ZHX2: variants seen among roughly 807,000 people sequenced by gnomAD.
ZHX2 encodes the protein zinc fingers and homeoboxes protein 2.
A neutral mutation model predicts 21.9 loss-of-function variants in ZHX2; 6 were observed. The observed-to-expected ratio is 0.27, with a 90% CI of 0.15 to 0.54. The LOEUF (loss-of-function observed/expected upper bound fraction) is 0.54, where lower values mean the gene tolerates loss of function less well. ZHX2 is among the 20% of genes least tolerant of loss of function. The pLI is 0.95. For synonymous variants in ZHX2, 434 were observed against 437.1 expected, an observed-to-expected ratio of 0.99 and a Z score of 0.09; for missense variants, 908 against 1,090.7, an observed-to-expected ratio of 0.83 and a Z score of 2.36.
At chr8:122,835,077 A>G (rs940300635) in intron 1 of ZHX2, among the ~76,000 whole-genome samples, 1 of 152,180 alleles carries the variant, frequency 6.6e-6, no homozygotes, top group African/African-American at 2.4e-5. Flanking sequence ...AGGATAACCT[A>G]GAGGTCATGC....
At chr8:122,921,294 G>A (rs1211486130) in intron 2 of ZHX2, among the ~76,000 whole-genome samples, 1 of 152,076 alleles carries the variant, frequency 6.6e-6, no homozygotes, top group Non-Finnish European at 1.5e-5. Flanking sequence ...ATGTTGGCCA[G>A]GCTGTTCTTG....
chr8:122,845,175 C>T (rs1818727168), intron 1 of ZHX2, among the ~76,000 whole-genome samples: 1 of 152,198 alleles, frequency 6.6e-6, no homozygotes, highest in South Asian at 2.1e-4. Flanking sequence ...TCAGCTTCCT[C>T]ATCTGGACAA....
chr8:122,791,648 T>C (rs781549460), intron 1 of ZHX2, among the ~76,000 whole-genome samples: 7 of 151,530 alleles, frequency 4.6e-5, no homozygotes, highest in Non-Finnish European at 8.8e-5. Flanking sequence ...GTAGATCACC[T>C]GAGGTCAAGA....
chr8:122,789,284 A>G (rs1047069124), intron 1 of ZHX2, among the ~76,000 whole-genome samples: 1 of 152,198 alleles, frequency 6.6e-6, no homozygotes, highest in African/African-American at 2.4e-5. Context: ...TAAATAGCAC[A>G]CAGAAAACTC....
At chr8:122,868,022 G>A (rs1476597151) in intron 2 of ZHX2, among the ~76,000 whole-genome samples, 3 of 152,134 alleles carry the variant, frequency 2.0e-5, no homozygotes, top group Non-Finnish European at 2.9e-5. Context: ...GGTCTTCTGG[G>A]TGGAATAGCT....
intron 1 of ZHX2, among the ~76,000 whole-genome samples, chr8:122,844,465 AT>A (rs1488741450): frequency 6.6e-6 from 1 of 152,246 alleles, no homozygotes; most frequent in Admixed American, 6.5e-5. Flanking sequence ...GATCATGGAT[AT>A]AAAAGTATCC....
chr8:122,943,840 G>T (rs1450628834), intron 2 of ZHX2, among the ~76,000 whole-genome samples: 1 of 152,102 alleles, frequency 6.6e-6, no homozygotes, highest in Non-Finnish European at 1.5e-5. Flanking sequence ...CTGTTTCCAG[G>T]ACCCTGCCCA....
chr8:122,949,352 G>A (rs575092862), intron 2 of ZHX2, among the ~76,000 whole-genome samples: 189 of 152,080 alleles, frequency 1.2e-3, no homozygotes, highest in African/African-American at 4.4e-3. Context: ...TGATAGACTG[G>A]GAAAAGTTTT....
intron 2 of ZHX2, among the ~76,000 whole-genome samples, chr8:122,905,932 A>G (rs1184716188): frequency 2.0e-5 from 3 of 152,226 alleles, no homozygotes; most frequent in African/African-American, 7.2e-5. Context: ...TCCCTTTTTT[A>G]TATCAAGCTA....
At chr8:122,790,701 G>A (rs1383523202) in intron 1 of ZHX2, among the ~76,000 whole-genome samples, 1 of 152,136 alleles carries the variant, frequency 6.6e-6, no homozygotes, top group African/African-American at 2.4e-5. Flanking sequence ...TCCGCCTCCT[G>A]GGTTCAAGCA....
At chr8:122,945,198 AG>A (rs1174461393) in intron 2 of ZHX2, among the ~76,000 whole-genome samples, 1 of 152,152 alleles carries the variant, frequency 6.6e-6, no homozygotes, top group Non-Finnish European at 1.5e-5. Flanking sequence ...GAACTCCTTG[AG>A]GACAGAGCTG....
At chr8:122,841,375 G>C (rs557788240) in intron 1 of ZHX2, among the ~76,000 whole-genome samples, 2 of 152,218 alleles carry the variant, frequency 1.3e-5, no homozygotes, top group Admixed American at 1.3e-4. Context: ...CACCTGAAAG[G>C]CCTTCTCTAA....
intron 1 of ZHX2, among the ~76,000 whole-genome samples, chr8:122,806,129 A>G (rs1817818489): frequency 6.6e-6 from 1 of 152,212 alleles, no homozygotes; most frequent in African/African-American, 2.4e-5. Flanking sequence ...ACTTACCTGC[A>G]AGCTTTCAGG....
At position 122,951,611 on chromosome 8, in the gene ZHX2, G is replaced by C. The variant is rs1279518055; in HGVS notation, c.101G>C (p.Gly34Ala). 2.5e-6 allele frequency: 4 copies of C among 1,613,860 alleles called. No individual in the cohort carries two copies. Among genetic ancestry groups the C allele is most frequent in the African/African-American group, 2.7e-5 (2 of 74,882 alleles). Residue 34 changes from glycine to alanine, a missense_variant, in exon 3 of 4, where the codon GGA (glycine) becomes GCA (alanine). By Grantham distance (60) the Gly-to-Ala change is moderately conservative. Around this residue, in one of 4 missense-constraint regions of ZHX2, gnomAD observed 25 missense variants for 48.9 expected, o/e 0.51. Transcript: ENST00000314393. ...PEEVDRAKEK[G>A]IGTPQPDVAK... ...GAAGTAGACAGGGCCAAAGAGAAAG[G>C]AATCGGCACACCACAGCCTGACGTG... is the stretch of plus-strand genomic sequence containing the variant.
chr8:122,871,025 G>A (rs1244909673), intron 2 of ZHX2, among the ~76,000 whole-genome samples: 3 of 152,166 alleles, frequency 2.0e-5, no homozygotes, highest in Admixed American at 1.3e-4. Context: ...TGAACCGGTG[G>A]AGCGGGCAGG....
intron 1 of ZHX2, among the ~76,000 whole-genome samples, chr8:122,814,888 A>G (rs558278417): frequency 1.2e-4 from 9 of 77,408 alleles, no homozygotes; most frequent in Non-Finnish European, 2.5e-4. Context: ...GGATAAAAAC[A>G]TAATCCCTAC....
At chr8:122,816,888 A>G (rs1298949868) in intron 1 of ZHX2, among the ~76,000 whole-genome samples, 1 of 152,190 alleles carries the variant, frequency 6.6e-6, no homozygotes, top group Non-Finnish European at 1.5e-5. Context: ...TTTATTTGTT[A>G]TTGCCATAAC....
chr8:122,948,157 C>T (rs924913233), intron 2 of ZHX2, among the ~76,000 whole-genome samples: 2 of 152,104 alleles, frequency 1.3e-5, no homozygotes, highest in African/African-American at 4.8e-5. Flanking sequence ...AGCAGGTGGG[C>T]GTGGGCCTAG....
intron 2 of ZHX2, among the ~76,000 whole-genome samples, chr8:122,883,314 C>T (rs770682781): frequency 2.6e-5 from 4 of 152,182 alleles, no homozygotes; most frequent in Non-Finnish European, 4.4e-5. Flanking sequence ...ACACTCATAA[C>T]ACCTGATGGG....
Sources: gnomAD v4.1 joint callset for allele counts (sites outside exome capture counted in the v4.1 genomes callset) on GRCh38, gnomAD v4.1.1 for gene constraint, gnomAD v4.1.1 regional missense constraint, MANE v1.5 for transcripts, NCBI Gene and HGNC (gene_info 2026-07-23, HGNC 2026-07-21) for gene names.